The following LIPA variants were observed in gnomAD, a reference collection of about 807,000 sequenced individuals.
LIPA encodes lysosomal acid lipase/cholesteryl ester hydrolase.
In LIPA, 26 loss-of-function variants were observed where a neutral mutation model predicts 40.6. The observed-to-expected ratio is 0.64, with a 90% CI of 0.47 to 0.89. The LOEUF is 0.89. Among genes scored for constraint, LIPA ranks in the 40% least tolerant of loss-of-function variants. The pLI, the probability that LIPA is intolerant of heterozygous loss-of-function variation, is 0.00. For synonymous variants in LIPA, 188 were observed against 168.4 expected (o/e 1.12, Z -0.90); for missense variants, 455 against 479.6 (o/e 0.95, Z 0.48).
intron 2 of LIPA, chr10:89,392,478 C>T (rs145558593): frequency 7.8e-6 from 2 of 258,036 alleles, no homozygotes; most frequent in South Asian, 1.1e-4. Flanking sequence ...CCCACCCCCC[C>T]CCGTCAGCAG....
chr10:89,389,975 CTTTTTTTTTTT>C (rs56947144), intron 2 of LIPA, among the ~76,000 whole-genome samples: 1 of 80,342 alleles, frequency 1.2e-5, no homozygotes, highest in Non-Finnish European at 2.2e-5. Flanking sequence ...AGATTTCTTT[CTTTTTTTTTTT>C]TTTTTTTTTT....
chr10:89,331,042 C>T (rs1006782893), intron 1 of LIPA, among the ~76,000 whole-genome samples: 12 of 152,102 alleles, frequency 7.9e-5, no homozygotes, highest in African/African-American at 2.9e-4. Flanking sequence ...GGCAGCAGTC[C>T]CAGGAGTAGA....
chr10:89,352,797 A>G (rs1843966950), intron 2 of LIPA, among the ~76,000 whole-genome samples: 1 of 151,936 alleles, frequency 6.6e-6, no homozygotes, highest in Admixed American at 6.6e-5. Flanking sequence ...ATAAAAAAAA[A>G]AAAAAAAAAA....
In LIPA at chr10:89,213,832, A is replaced by G. The variant is rs901172492; in HGVS notation, c.*996T>C. On this transcript the variant is annotated 3_prime_UTR_variant, in exon 10 of 10. Transcript: ENST00000336233. ...GCAGGTGTATTAAAAATAAGGATGCATATAAAACTAAGACACAAAATGAAT... is the reference window on the plus strand; with the variant it reads ...GCAGGTGTATTAAAAATAAGGATGCGTATAAAACTAAGACACAAAATGAAT... 2.6e-5 allele frequency: 4 copies of G among 152,244 alleles called. No homozygotes were observed. The highest frequency in any genetic ancestry group is 9.6e-5 in the African/African-American group (4 of 41,464). The allele number at this position is 152,244 out of a possible 1,614,324, so 9.4% of individuals were successfully genotyped here. A position where few individuals can be genotyped will look rare whatever the true frequency, so the allele number is the denominator to read the frequency against.
At chr10:89,288,166 C>A (rs904261272) in intron 1 of LIPA, among the ~76,000 whole-genome samples, 1 of 152,120 alleles carries the variant, frequency 6.6e-6, no homozygotes, top group Non-Finnish European at 1.5e-5. Context: ...AACACATGTG[C>A]TCTCCCTGCT....
chr10:89,247,079 A>G (rs2133466776), intron 2 of LIPA, among the ~76,000 whole-genome samples: 2 of 152,296 alleles, frequency 1.3e-5, no homozygotes, highest in East Asian at 3.9e-4. Context: ...TCTAAGATTC[A>G]GAGAAATTGG....
intron 2 of LIPA, among the ~76,000 whole-genome samples, chr10:89,409,926 G>A (rs1331279725): frequency 6.6e-6 from 1 of 152,236 alleles, no homozygotes; most frequent in South Asian, 2.1e-4. Context: ...CTACTTGAGA[G>A]GGGAATCAAC....
intron 2 of LIPA, among the ~76,000 whole-genome samples, chr10:89,389,316 A>T (rs1279757605): frequency 1.3e-5 from 2 of 152,236 alleles, no homozygotes; most frequent in South Asian, 2.1e-4. Context: ...CTAGCATGAA[A>T]GCATCTTGTG....
chr10:89,245,212 G>A (rs551117384), intron 3 of LIPA, among the ~76,000 whole-genome samples: 1 of 152,132 alleles, frequency 6.6e-6, no homozygotes, highest in Non-Finnish European at 1.5e-5. Flanking sequence ...TTTCTAATGA[G>A]ATTTTTGGAA....
chr10:89,215,844 C>T (rs1842618706), intron 9 of LIPA, 94 bp downstream of exon 9: 1 of 834,058 alleles, frequency 1.2e-6, no homozygotes, highest in Non-Finnish European at 2.1e-6. Flanking sequence ...ACATTTCCCA[C>T]AGCACCTGAG....
At chr10:89,390,112 G>A (rs765983615) in intron 2 of LIPA, among the ~76,000 whole-genome samples, 2 of 149,390 alleles carry the variant, frequency 1.3e-5, no homozygotes, top group Non-Finnish European at 3.0e-5. Context: ...TCAGCCTCCC[G>A]AGTAGCTGGG....
chr10:89,303,907 C>G (rs1380887686), intron 1 of LIPA, among the ~76,000 whole-genome samples: 1 of 152,164 alleles, frequency 6.6e-6, no homozygotes, highest in Non-Finnish European at 1.5e-5. Flanking sequence ...TTCTGTAGGA[C>G]TCACCATATT....
intron 1 of LIPA, among the ~76,000 whole-genome samples, chr10:89,287,340 A>G (rs1202813421): frequency 2.0e-5 from 3 of 152,114 alleles, no homozygotes; most frequent in East Asian, 3.8e-4. Flanking sequence ...TGTTGTGGGT[A>G]TTGACGGCCA....
At chr10:89,218,961 A>C (rs1366834670) in intron 8 of LIPA, among the ~76,000 whole-genome samples, 1 of 152,238 alleles carries the variant, frequency 6.6e-6, no homozygotes, top group Non-Finnish European at 1.5e-5. Flanking sequence ...TGACTTTTGT[A>C]ATGGAAATGA....
At position 89,402,834 on chromosome 10, in the gene LIPA, C is replaced by T. The variant is rs777195075; in HGVS notation, c.61+9957G>A. ...CGCTGGGTATGCGATCTCTGCCTATCGCCTGGATGGCTTTAAATTAGCCAC... is the reference window on the plus strand; with the variant it reads ...CGCTGGGTATGCGATCTCTGCCTATTGCCTGGATGGCTTTAAATTAGCCAC... On this transcript the variant is annotated intron_variant, in intron 2 of 8. Coordinates refer to the LIPA transcript ENST00000371837. 18 of 1,614,048 alleles carry T rather than the reference C, an allele frequency of 1.1e-5. No individual in the cohort carries two copies. The South Asian group carries it at 1.6e-4, about 15-fold the overall frequency.
intron 3 of LIPA, among the ~76,000 whole-genome samples, chr10:89,244,316 AG>A (rs1271031772): frequency 2.6e-5 from 4 of 152,238 alleles, no homozygotes; most frequent in Non-Finnish European, 5.9e-5. Context: ...ATTAACACAA[AG>A]GGTGTTTAAG....
At chr10:89,403,098 A>T in intron 2 of LIPA, 1 of 1,614,212 alleles carries the variant, frequency 6.2e-7, no homozygotes, top group African/African-American at 1.3e-5. Context: ...TGAGTTATTA[A>T]AAAAGGCCTT....
intron 2 of LIPA, among the ~76,000 whole-genome samples, chr10:89,349,032 G>T (rs1318577653): frequency 4.6e-5 from 7 of 152,074 alleles, no homozygotes; most frequent in Admixed American, 4.6e-4. Context: ...ATATCACTTT[G>T]GACTTCAAAA....
At chr10:89,296,886 T>TATGG (rs1458097066) in intron 1 of LIPA, among the ~76,000 whole-genome samples, 1 of 152,186 alleles carries the variant, frequency 6.6e-6, no homozygotes, top group Non-Finnish European at 1.5e-5. Flanking sequence ...TACAAAACAC[T>TATGG]ATGGCTGTAC....
Sources: allele counts gnomAD v4.1 joint callset (sites outside exome capture counted in the v4.1 genomes callset), GRCh38; gene constraint gnomAD v4.1.1; transcripts MANE v1.5; gene names NCBI Gene and HGNC (gene_info 2026-07-23, HGNC 2026-07-21).